INVS: variants seen among roughly 807,000 people sequenced by gnomAD.
The protein encoded by INVS is inversin.
INVS carries 86 observed loss-of-function variants against 108.8 expected under a neutral mutation model. That is an observed-to-expected ratio of 0.79 (90% confidence interval 0.66 to 0.95). INVS has a LOEUF of 0.95. Among genes scored for constraint, INVS ranks in the 40% least tolerant of loss-of-function variants. The pLI is 0.00. For missense variants in INVS, 1,169 were observed against 1,297.4 expected (o/e 0.90, Z 1.52); for synonymous variants, 455 against 473.5 (o/e 0.96, Z 0.51).
chr9:100,181,292 T>G lies in INVS; in HGVS notation c.274-44770T>G, dbSNP rs144555036. On this transcript the variant is annotated intron_variant, in intron 3 of 16. Transcript: ENST00000262457. ...AGGGCAATCAGGCAAAAGAAAGAAA[T>G]AAAGGGTATTCAAATAGGAAGAGAG... Among the ~76,000 whole-genome samples, 649 of 152,172 alleles carry G rather than the reference T, an allele frequency of 4.3e-3. 4 individuals are homozygous for G. The highest frequency in any genetic ancestry group is 0.015 in the African/African-American group (621 of 41,508).
intron 14 of INVS, 135 bp downstream of exon 14, chr9:100,293,178 A>G (rs756165047): frequency 1.5e-4 from 118 of 764,328 alleles, no homozygotes; most frequent in Non-Finnish European, 2.4e-4. Context: ...GAGCCTACCC[A>G]TGAAATTCAC....
At chr9:100,254,386 A>C (rs1832345533) in intron 10 of INVS, among the ~76,000 whole-genome samples, 2 of 152,118 alleles carry the variant, frequency 1.3e-5, no homozygotes, top group African/African-American at 4.8e-5. Context: ...CTCTGATGGT[A>C]GTTTCTTTTG....
At chr9:100,235,281 C>G (rs1831649987) in intron 5 of INVS, among the ~76,000 whole-genome samples, 1 of 151,824 alleles carries the variant, frequency 6.6e-6, no homozygotes, top group Non-Finnish European at 1.5e-5. Context: ...AGATGGGTCT[C>G]TTGAATTCAG....
chr9:100,266,717 G>A (rs888900088), intron 11 of INVS, among the ~76,000 whole-genome samples: 6 of 152,006 alleles, frequency 3.9e-5, no homozygotes, highest in African/African-American at 7.3e-5. Flanking sequence ...CTCATTTTAC[G>A]AGATCCTCTT....
chr9:100,297,038 G>A lies in INVS; in HGVS notation c.2908G>A (p.Glu970Lys), dbSNP rs1833811645. 6.2e-7 allele frequency: 1 copy of A among 1,613,884 alleles called. No individual in the cohort carries two copies. Among genetic ancestry groups the A allele is most frequent in the Non-Finnish European group, 8.5e-7 (1 of 1,179,964 alleles). The change falls in exon 15 of 17, where the codon GAA becomes AAA. Residue 970 changes from glutamate (E) to lysine (K), a missense_variant. Glu to Lys is a moderately conservative substitution (Grantham distance 56). Coordinates refer to ENST00000262457, the MANE Select transcript of INVS (RefSeq NM_014425.5). The stretch of plus-strand genomic sequence containing the variant: ...CCTCCAGGTTTGGAGGAAGGAACTG[G>A]AACTAAAATTCCCCCAAACCACTGC... The part of the protein sequence containing the change: ...LLLQVWRKEL[E>K]LKFPQTTAVS...
chr9:100,191,176 A>G (rs1326074551), intron 3 of INVS, among the ~76,000 whole-genome samples: 1 of 152,100 alleles, frequency 6.6e-6, no homozygotes, highest in Non-Finnish European at 1.5e-5. Flanking sequence ...CCTTTTTGTA[A>G]TGAATCTCCC....
At chr9:100,125,339 G>A (rs1190928620) in intron 2 of INVS, among the ~76,000 whole-genome samples, 2 of 152,054 alleles carry the variant, frequency 1.3e-5, no homozygotes, top group Non-Finnish European at 2.9e-5. Flanking sequence ...TAGTCAAATG[G>A]TTCACTCAGC....
chr9:100,232,164 G>T (rs2118445244), intron 5 of INVS, among the ~76,000 whole-genome samples: 1 of 151,362 alleles, frequency 6.6e-6, no homozygotes, highest in South Asian at 2.1e-4. Context: ...CTTTTGAGAA[G>T]TGTCTGTTCG....
intron 3 of INVS, among the ~76,000 whole-genome samples, chr9:100,200,086 C>A (rs1033803439): frequency 2.6e-5 from 4 of 152,082 alleles, no homozygotes; most frequent in African/African-American, 9.7e-5. Context: ...TAAGTCCATG[C>A]TATGATTTTT....
chr9:100,194,265 C>G (rs1216998997), intron 3 of INVS, among the ~76,000 whole-genome samples: 1 of 152,156 alleles, frequency 6.6e-6, no homozygotes, highest in Non-Finnish European at 1.5e-5. Flanking sequence ...TTCATTTGAG[C>G]CATTCTAAAT....
At chr9:100,213,931 G>C (rs912849894) in intron 3 of INVS, among the ~76,000 whole-genome samples, 1 of 152,174 alleles carries the variant, frequency 6.6e-6, no homozygotes, top group African/African-American at 2.4e-5. Context: ...TACCCAGTAA[G>C]AACGTTTAGG....
At chr9:100,117,049 G>A in intron 2 of INVS, 4 of 1,342,674 alleles carry the variant, frequency 3.0e-6, no homozygotes, top group East Asian at 2.4e-5. Context: ...GTGCAGGGAT[G>A]AGGCACACCA....
At chr9:100,220,477 A>G (rs1235841756) in intron 3 of INVS, among the ~76,000 whole-genome samples, 1 of 152,196 alleles carries the variant, frequency 6.6e-6, no homozygotes, top group African/African-American at 2.4e-5. Flanking sequence ...TAGCAGAGTA[A>G]TGTCCTTTTA....
At chr9:100,189,680 CAT>C (rs1454457159) in intron 3 of INVS, among the ~76,000 whole-genome samples, 4 of 152,034 alleles carry the variant, frequency 2.6e-5, no homozygotes, top group South Asian at 4.2e-4. Flanking sequence ...TGTTGCCTAT[CAT>C]GTGTTCTATC....
chr9:100,124,012 T>C (rs1827803752), intron 2 of INVS, among the ~76,000 whole-genome samples: 1 of 152,220 alleles, frequency 6.6e-6, no homozygotes, highest in South Asian at 2.1e-4. Flanking sequence ...TTTTGCCATG[T>C]TGGCCAGGCT....
intron 10 of INVS, among the ~76,000 whole-genome samples, chr9:100,253,994 G>A (rs1191471650): frequency 6.6e-6 from 1 of 152,280 alleles, no homozygotes; most frequent in East Asian, 1.9e-4. Flanking sequence ...TCGCCACACT[G>A]TCTTCCACAA....
At chr9:100,213,592 G>C (rs1311782090) in intron 3 of INVS, among the ~76,000 whole-genome samples, 3 of 152,116 alleles carry the variant, frequency 2.0e-5, no homozygotes, top group African/African-American at 7.2e-5. Flanking sequence ...TAAGAAGTTA[G>C]TCTGTTACTG....
In INVS at chr9:100,285,673, C is replaced by T. The variant is rs529724596; in HGVS notation, c.2068+1070C>T. On this transcript the variant is annotated intron_variant, in intron 13 of 16. Transcript: ENST00000262457. ...TCTCCCAGTGGAGTCACACACAACA[C>T]GTTTAATTCCTTCTGCAATAAATTG... is the stretch of plus-strand genomic sequence containing the variant. Among the ~76,000 whole-genome samples the T allele has an allele frequency of 3.9e-5, 6 of 152,338 alleles. No homozygotes were observed. In the East Asian group the frequency reaches 5.8e-4, roughly 15 times the overall value.
chr9:100,273,971 TC>T (rs1487235524), intron 12 of INVS, among the ~76,000 whole-genome samples: 7 of 151,876 alleles, frequency 4.6e-5, no homozygotes, highest in African/African-American at 1.7e-4. Flanking sequence ...AAAAGCAAAA[TC>T]CCCCCTGCCT....
Sources: allele counts gnomAD v4.1 joint callset (sites outside exome capture counted in the v4.1 genomes callset), GRCh38; gene constraint gnomAD v4.1.1; transcripts MANE v1.5; gene names NCBI Gene and HGNC (gene_info 2026-07-23, HGNC 2026-07-21).